The following OTULIN variants were observed in gnomAD, a reference collection of about 807,000 sequenced individuals.
OTULIN encodes ubiquitin thioesterase otulin.
Under a neutral mutation model 39.6 loss-of-function variants are expected in OTULIN, and 15 were observed. That is an observed-to-expected ratio of 0.38 (90% confidence interval 0.25 to 0.58). OTULIN has a LOEUF of 0.58. OTULIN is among the 20% of genes least tolerant of loss of function. The pLI is 0.66. For missense variants in OTULIN, 319 were observed against 445.9 expected (o/e 0.72, Z 2.56); for synonymous variants, 156 against 170.3 (o/e 0.92, Z 0.65).
chr5:14,711,116 AATACGATGGGAGAGGGAAG>A, the OTULIN span: 7 of 1,241,596 alleles, frequency 5.6e-6, no homozygotes, highest in South Asian at 8.4e-5. Context: ...AAGGGAACAA[AATACGATGGGAGAGGGAAG>A]AGATGATGCC....
chr5:14,686,293 T>TAA (rs987610962), intron 4 of OTULIN, among the ~76,000 whole-genome samples: 1 of 152,170 alleles, frequency 6.6e-6, no homozygotes, highest in Non-Finnish European at 1.5e-5. Context: ...ATTTCTTTCT[T>TAA]ACTATATAAA....
chr5:14,683,868 T>C (rs935412148), intron 4 of OTULIN, among the ~76,000 whole-genome samples: 1 of 151,848 alleles, frequency 6.6e-6, no homozygotes, highest in African/African-American at 2.4e-5. Context: ...GTACAATGTC[T>C]CCCCCCCTTT....
Position 14,694,363 on chromosome 5 carries a change from G to T in OTULIN, c.*1315G>T, listed in dbSNP as rs1250498262. The T allele has an allele frequency of 6.6e-6, 1 of 152,226 alleles. No individual in the cohort carries two copies. Among genetic ancestry groups the T allele is most frequent in the African/African-American group, 2.4e-5 (1 of 41,446 alleles). The allele number at this position is 152,226 out of a possible 1,614,324, so 9.4% of individuals were successfully genotyped here. A position where few individuals can be genotyped will look rare whatever the true frequency, so the allele number is the denominator to read the frequency against. ...GCCTTATGGCCTGAATTGTCCTCAAGGGGTGTGGACTGCAGATGGTGTTCA... is the reference window on the plus strand; with the variant it reads ...GCCTTATGGCCTGAATTGTCCTCAATGGGTGTGGACTGCAGATGGTGTTCA... On this transcript the variant is annotated 3_prime_UTR_variant, in exon 7 of 7. Transcript: ENST00000284274.
Position 14,687,592 on chromosome 5 carries a change from G to T in OTULIN, c.540G>T (p.Lys180Asn). 6.2e-7 allele frequency: 1 copy of T among 1,614,148 alleles called. No individual in the cohort carries two copies. The highest frequency in any genetic ancestry group is 8.5e-7 in the Non-Finnish European group (1 of 1,180,026). The change falls in exon 5 of 7, where the codon AAG becomes AAT. Residue 180 changes from lysine to asparagine, a missense_variant. Lys to Asn is a moderately conservative substitution (Grantham distance 94). This residue lies in a region of OTULIN where 54 missense variants were observed against 50.7 expected (regional missense o/e 1.07). Transcript: ENST00000284274. Reference protein sequence around the residue: ...QWKLGLKFDGKNEDLVDKIKE... With the variant: ...QWKLGLKFDGNNEDLVDKIKE... ...AACTTGGACTGAAATTTGATGGGAA[G>T]AATGAGGACCTGGTTGATAAAATTA...
intron 1 of OTULIN, among the ~76,000 whole-genome samples, chr5:14,665,363 G>T (rs953477157): frequency 1.2e-4 from 19 of 152,166 alleles, no homozygotes; most frequent in African/African-American, 4.6e-4. Context: ...AGCCGCCGGA[G>T]AACGGCGCTG....
In OTULIN at chr5:14,681,759, C is replaced by A. The variant is rs544437163; in HGVS notation, c.468+152C>A. The A allele has an allele frequency of 1.2e-5, 11 of 885,400 alleles. No individual in the cohort carries two copies. In the African/African-American group the frequency reaches 1.4e-4, roughly 11 times the overall value. The allele number at this position is 885,400 out of a possible 1,614,324, so 54.8% of individuals were successfully genotyped here. A position where few individuals can be genotyped will look rare whatever the true frequency, so the allele number is the denominator to read the frequency against. ...GTTTTGTGTGGCTGGGGTGATTTCA[C>A]ATAGTTAAATGACCAAAAATAATTG... On this transcript the variant is annotated intron_variant, in intron 4 of 6. Transcript: ENST00000284274.
intron 5 of OTULIN, among the ~76,000 whole-genome samples, chr5:14,688,825 A>C (rs572223928): frequency 3.4e-4 from 51 of 152,146 alleles, no homozygotes; most frequent in Non-Finnish European, 5.0e-4. Flanking sequence ...CTTCAGCGCA[A>C]CCACAGGTCA....
At chr5:14,703,481 CA>C (rs934054838), downstream of OTULIN, among the ~76,000 whole-genome samples, 3 of 152,078 alleles carry the variant, frequency 2.0e-5, no homozygotes, top group Non-Finnish European at 1.5e-5. Context: ...GCAGAGATAC[CA>C]GGGGGCAGGG....
the OTULIN span, chr5:14,708,128 C>T: frequency 6.6e-6 from 1 of 152,190 alleles, no homozygotes; most frequent in African/African-American, 2.4e-5. Context: ...CACTGAGATC[C>T]CTGTAAGTCA....
intron 2 of OTULIN, among the ~76,000 whole-genome samples, chr5:14,677,322 T>C (rs1021022454): frequency 4.6e-5 from 7 of 152,174 alleles, no homozygotes; most frequent in African/African-American, 1.7e-4. Context: ...AGCTCAATAT[T>C]TGGTACATTT....
chr5:14,675,170 A>G (rs934981592), intron 2 of OTULIN, among the ~76,000 whole-genome samples: 1 of 152,234 alleles, frequency 6.6e-6, no homozygotes, highest in Non-Finnish European at 1.5e-5. Flanking sequence ...TGTTATAACA[A>G]GTTAGTATGA....
chr5:14,677,684 G>T (rs770478003), intron 2 of OTULIN, among the ~76,000 whole-genome samples: 6 of 150,816 alleles, frequency 4.0e-5, no homozygotes, highest in Non-Finnish European at 8.8e-5. Context: ...TGTGTTGTTA[G>T]AGTCAGGTGA....
At chr5:14,713,120 C>T in the OTULIN span, 6 of 791,158 alleles carry the variant, frequency 7.6e-6, no homozygotes, top group Admixed American at 6.1e-5. This position sits in a 1 kb window ranked among gnomAD's most constrained non-coding sequence, Gnocchi z 4.4. Flanking sequence ...AGGGCCGCAG[C>T]TAATAACCTA....
intron 6 of OTULIN, among the ~76,000 whole-genome samples, chr5:14,691,346 G>A (rs903957355): frequency 3.3e-5 from 5 of 152,238 alleles, no homozygotes; most frequent in African/African-American, 1.2e-4. Flanking sequence ...CTGTCCTGGA[G>A]TGTGAGGTCT....
the OTULIN span, chr5:14,711,277 C>T: frequency 1.2e-6 from 2 of 1,614,138 alleles, no homozygotes; most frequent in Non-Finnish European, 8.5e-7. Context: ...GAGTCTTCCC[C>T]CTCCGTGGCC....
chr5:14,681,171 G>T (rs540322327), intron 3 of OTULIN, among the ~76,000 whole-genome samples: 1 of 151,778 alleles, frequency 6.6e-6, no homozygotes, highest in African/African-American at 2.4e-5. Flanking sequence ...TGGAAACTTG[G>T]GGTTTTTCTA....
intron 4 of OTULIN, among the ~76,000 whole-genome samples, chr5:14,684,237 C>T (rs182534577): frequency 1.5e-4 from 23 of 152,278 alleles, no homozygotes; most frequent in East Asian, 5.8e-4. Flanking sequence ...GTTTATTAAA[C>T]GTTGGATCTG....
At chr5:14,669,089 C>T (rs766371933) in intron 1 of OTULIN, among the ~76,000 whole-genome samples, 2 of 152,114 alleles carry the variant, frequency 1.3e-5, no homozygotes, top group Non-Finnish European at 2.9e-5. Context: ...ATAGGCCGGG[C>T]GCGGTGGCTC....
rs1311868380 is a variant in OTULIN, at chr5:14,695,061, C to T, written c.*2013C>T. 2 of 152,138 alleles carry T rather than the reference C, an allele frequency of 1.3e-5. No homozygotes were observed. The highest frequency in any genetic ancestry group is 2.9e-5 in the Non-Finnish European group (2 of 68,028). 9.4% of individuals were successfully genotyped at this position (152,138 alleles called of 1,614,324 possible). A position where few individuals can be genotyped will look rare whatever the true frequency, so the allele number is the denominator to read the frequency against. On this transcript the variant is annotated 3_prime_UTR_variant, in exon 7 of 7. Coordinates refer to ENST00000284274, the MANE Select transcript of OTULIN (RefSeq NM_138348.6). ...TGTTAATAATAGTCATCTATCCTTG[C>T]ATTTTGAAACTGTTCTAATCTTAGT... is the stretch of plus-strand genomic sequence containing the variant.
Sources: allele counts gnomAD v4.1 joint callset (sites outside exome capture counted in the v4.1 genomes callset), GRCh38; gene constraint gnomAD v4.1.1; regional missense constraint gnomAD v4.1.1; non-coding constraint Gnocchi (gnomAD v3.1); transcripts MANE v1.5; gene names NCBI Gene and HGNC (gene_info 2026-07-23, HGNC 2026-07-21).